NHSL1: variants seen among roughly 807,000 people sequenced by gnomAD.
NHSL1 encodes the protein NHS-like protein 1.
A neutral mutation model predicts 95.0 loss-of-function variants in NHSL1; 48 were observed. The observed-to-expected ratio is 0.51, with a 90% CI of 0.40 to 0.64. The LOEUF (loss-of-function observed/expected upper bound fraction) is 0.64, where lower values mean the gene tolerates loss of function less well. Among genes scored for constraint, NHSL1 ranks in the 30% least tolerant of loss-of-function variants. The pLI is 0.00. For synonymous variants in NHSL1, 783 were observed against 833.9 expected, an observed-to-expected ratio of 0.94 and a Z score of 1.05; for missense variants, 1,971 against 2,077.7, an observed-to-expected ratio of 0.95 and a Z score of 1.00.
chr6:138,587,503 CAAA>C (rs35723995), intron 1 of NHSL1, among the ~76,000 whole-genome samples: 8 of 59,894 alleles, frequency 1.3e-4, no homozygotes, highest in Admixed American at 5.4e-4. Context: ...AAAACTCTGT[CAAA>C]AAAAAAAAAA....
intron 3 of NHSL1, among the ~76,000 whole-genome samples, chr6:138,469,945 G>T (rs1367955703): frequency 6.6e-6 from 1 of 152,114 alleles, no homozygotes; most frequent in East Asian, 1.9e-4. Flanking sequence ...TCAAAGAGAA[G>T]AATGTTAAGG....
intron 1 of NHSL1, among the ~76,000 whole-genome samples, chr6:138,569,894 C>T (rs1199733870): frequency 6.6e-6 from 1 of 151,770 alleles, no homozygotes; most frequent in Non-Finnish European, 1.5e-5. Flanking sequence ...AAAAAAAACA[C>T]ATAAACTTAC....
chr6:138,494,806 T>G (rs1338486532), intron 2 of NHSL1, among the ~76,000 whole-genome samples: 1 of 152,186 alleles, frequency 6.6e-6, no homozygotes, highest in Non-Finnish European at 1.5e-5. Flanking sequence ...AGGAGCAGCA[T>G]CTGGTAGAAT....
At chr6:138,519,881 C>T (rs1339239977) in intron 1 of NHSL1, among the ~76,000 whole-genome samples, 2 of 152,108 alleles carry the variant, frequency 1.3e-5, no homozygotes, top group African/African-American at 4.8e-5. Context: ...TATTTGAGAG[C>T]CATCCCTTAA....
chr6:138,559,906 T>A (rs547355953), intron 1 of NHSL1, among the ~76,000 whole-genome samples: 5 of 152,352 alleles, frequency 3.3e-5, no homozygotes, highest in African/African-American at 1.2e-4. Context: ...ATGTGTGGCA[T>A]GGGAACCAAT....
intron 3 of NHSL1, among the ~76,000 whole-genome samples, chr6:138,457,721 C>T (rs544598288): frequency 6.6e-6 from 1 of 152,232 alleles, no homozygotes; most frequent in Non-Finnish European, 1.5e-5. Context: ...TCGAATTTCC[C>T]TTCCAAATTG....
chr6:138,561,364 T>G (rs1289293426), intron 1 of NHSL1, among the ~76,000 whole-genome samples: 3 of 152,278 alleles, frequency 2.0e-5, no homozygotes, highest in Middle Eastern at 3.4e-3. Flanking sequence ...TCTTTCCTTA[T>G]AGCTTATTCC....
chr6:138,443,941 G>GATGAAC (rs1776695272), intron 4 of NHSL1, among the ~76,000 whole-genome samples: 1 of 152,158 alleles, frequency 6.6e-6, no homozygotes, highest in African/African-American at 2.4e-5. Flanking sequence ...ACCATTTGAG[G>GATGAAC]ATGAACACCT....
chr6:138,580,769 G>C (rs72975268), intron 1 of NHSL1, among the ~76,000 whole-genome samples: 1 of 152,232 alleles, frequency 6.6e-6, no homozygotes, highest in African/African-American at 2.4e-5. Context: ...AGCATGGGTG[G>C]AGGGAGAGAA....
At chr6:138,494,207 A>G (rs951177636) in intron 2 of NHSL1, among the ~76,000 whole-genome samples, 1 of 152,194 alleles carries the variant, frequency 6.6e-6, no homozygotes, top group Non-Finnish European at 1.5e-5. Flanking sequence ...AGCAATTTTT[A>G]GTTTGTCTCC....
intron 1 of NHSL1, among the ~76,000 whole-genome samples, chr6:138,587,611 G>C (rs1182583338): frequency 6.6e-6 from 1 of 151,408 alleles, no homozygotes; most frequent in African/African-American, 2.4e-5. Context: ...TTTATAGATA[G>C]AGCTGCCAAG....
At chr6:138,459,378 T>G (rs1777846530) in intron 3 of NHSL1, among the ~76,000 whole-genome samples, 1 of 152,212 alleles carries the variant, frequency 6.6e-6, no homozygotes, top group African/African-American at 2.4e-5. Context: ...TAAATAGATT[T>G]TTCCTGTTGT....
At chr6:138,503,026 T>C (rs1283299966), upstream of NHSL1, among the ~76,000 whole-genome samples, 2 of 152,200 alleles carry the variant, frequency 1.3e-5, no homozygotes, top group Non-Finnish European at 2.9e-5. Flanking sequence ...CCTCGAGTAA[T>C]TGCTCTATAC....
At chr6:138,657,902 A>T (rs1173978356) in intron 1 of NHSL1, among the ~76,000 whole-genome samples, 1 of 150,576 alleles carries the variant, frequency 6.6e-6, no homozygotes, top group Non-Finnish European at 1.5e-5. Flanking sequence ...GTTTTAAGAT[A>T]TAATTAAATA....
At chr6:138,494,715 T>C (rs565521664) in intron 2 of NHSL1, among the ~76,000 whole-genome samples, 2 of 152,320 alleles carry the variant, frequency 1.3e-5, no homozygotes, top group East Asian at 3.9e-4. Context: ...GGAGCCCCAG[T>C]TAAATTACAT....
chr6:138,693,151 G>A (rs577078459), upstream of NHSL1, among the ~76,000 whole-genome samples: 56 of 151,652 alleles, frequency 3.7e-4, no homozygotes, highest in Middle Eastern at 6.8e-3. The surrounding 1 kb of genome is among the most constrained non-coding windows in gnomAD (Gnocchi z 4.3). Context: ...GGAAAGCGCC[G>A]GCTGCTCCTT....
Position 138,424,641 on chromosome 6 carries a change from C to T in NHSL1, c.4261G>A (p.Ala1421Thr). The T allele has an allele frequency of 6.4e-7, 1 of 1,551,598 alleles. No homozygotes were observed. Among genetic ancestry groups the T allele is most frequent in the Non-Finnish European group, 8.7e-7 (1 of 1,146,980 alleles). Residue 1421 changes from alanine (A) to threonine (T), a missense_variant, in exon 8 of 8, where the codon GCT becomes ACT. Physicochemically the swap from Ala to Thr is moderately conservative, Grantham distance 58. Transcript: ENST00000343505. The surrounding 1 kb of genome is among the most constrained non-coding windows in gnomAD (Gnocchi z 5.9). ...KSSTSSDNFK[A>T]LLLKKGSRSD... is the part of the protein sequence containing the mutation. ...CGACTGCCCTTTTTCAGCAGCAGAG[C>T]TTTGAAGTTGTCACTGCTGGTGCTG...
chr6:138,429,895 T>A, intron 6 of NHSL1, 52 bp from the exon 7 acceptor site: 1 of 1,517,098 alleles, frequency 6.6e-7, no homozygotes, highest in Non-Finnish European at 8.8e-7. Flanking sequence ...GGAATTTCAG[T>A]CCTCAGCCAA....
At chr6:138,507,418 A>G (rs1781017234) in intron 1 of NHSL1, among the ~76,000 whole-genome samples, 1 of 152,210 alleles carries the variant, frequency 6.6e-6, no homozygotes, top group African/African-American at 2.4e-5. Flanking sequence ...AATAATGGGA[A>G]TGTGCCAGAT....
Sources: allele counts gnomAD v4.1 joint callset (sites outside exome capture counted in the v4.1 genomes callset), GRCh38; gene constraint gnomAD v4.1.1; non-coding constraint Gnocchi (gnomAD v3.1); transcripts MANE v1.5; gene names NCBI Gene and HGNC (gene_info 2026-07-23, HGNC 2026-07-21).